The following ERBB4 variants were observed in gnomAD, a reference collection of about 807,000 sequenced individuals.
The protein encoded by ERBB4 is receptor tyrosine-protein kinase erbB-4.
Under a neutral mutation model 158.0 loss-of-function variants are expected in ERBB4, and 42 were observed. The ratio of observed to expected loss-of-function variants is 0.27; its 90% CI spans 0.21 to 0.34. The LOEUF is 0.34. ERBB4 is among the 10% of genes least tolerant of loss of function. ERBB4 has a pLI of 1.00. For missense variants in ERBB4, 1,333 were observed against 1,624.1 expected, an observed-to-expected ratio of 0.82 and a Z score of 3.08; for synonymous variants, 583 against 558.7, an observed-to-expected ratio of 1.04 and a Z score of -0.61.
chr2:211,836,569 G>T (rs940061220), intron 3 of ERBB4, among the ~76,000 whole-genome samples: 11 of 152,022 alleles, frequency 7.2e-5, no homozygotes, highest in African/African-American at 2.7e-4. Flanking sequence ...AGGAAAGCAG[G>T]TGTTCAGCAT....
At chr2:211,414,006 A>T (rs2063325876) in intron 25 of ERBB4, among the ~76,000 whole-genome samples, 1 of 151,762 alleles carries the variant, frequency 6.6e-6, no homozygotes, top group South Asian at 2.1e-4. Flanking sequence ...CTTCCAGTCC[A>T]CTGCGGGCAC....
chr2:211,450,698 T>A (rs1446698643), intron 20 of ERBB4, among the ~76,000 whole-genome samples: 1 of 152,202 alleles, frequency 6.6e-6, no homozygotes, highest in African/African-American at 2.4e-5. Flanking sequence ...GGTTTCAGTT[T>A]AAATATTATG....
At chr2:211,453,689 T>C (rs1031220570) in intron 20 of ERBB4, among the ~76,000 whole-genome samples, 17 of 152,212 alleles carry the variant, frequency 1.1e-4, no homozygotes, top group Admixed American at 3.9e-4. Context: ...TTCACAAGTC[T>C]GTAGCAGACA....
At chr2:211,642,589 G>T (rs747378360) in intron 16 of ERBB4, among the ~76,000 whole-genome samples, 11 of 151,986 alleles carry the variant, frequency 7.2e-5, no homozygotes, top group Admixed American at 5.9e-4. Context: ...TAAAATAAAA[G>T]AATTTCTATT....
At chr2:212,095,373 G>A (rs991586492) in intron 2 of ERBB4, among the ~76,000 whole-genome samples, 4 of 152,078 alleles carry the variant, frequency 2.6e-5, no homozygotes, top group Non-Finnish European at 4.4e-5. Flanking sequence ...CATAATAGAG[G>A]TGATAACTTT....
intron 1 of ERBB4, among the ~76,000 whole-genome samples, chr2:212,130,020 C>T (rs2080063905): frequency 6.6e-6 from 1 of 152,046 alleles, no homozygotes; most frequent in South Asian, 2.1e-4. Flanking sequence ...TAACTCACAA[C>T]TTTCATTTGT....
intron 1 of ERBB4, among the ~76,000 whole-genome samples, chr2:212,300,977 A>G (rs1326041976): frequency 6.6e-6 from 1 of 151,554 alleles, no homozygotes; most frequent in Non-Finnish European, 1.5e-5. Context: ...CTGGAAAGCA[A>G]AATATTTCTT....
intron 1 of ERBB4, among the ~76,000 whole-genome samples, chr2:212,293,674 C>T (rs2086289391): frequency 6.6e-6 from 1 of 151,668 alleles, no homozygotes; most frequent in Non-Finnish European, 1.5e-5. Flanking sequence ...ATGGTGAAAC[C>T]TTGTCTCTAC....
intron 1 of ERBB4, among the ~76,000 whole-genome samples, chr2:212,333,210 C>T (rs2088262578): frequency 6.6e-6 from 1 of 151,972 alleles, no homozygotes; most frequent in South Asian, 2.1e-4. Context: ...CTGGGAAAAA[C>T]TTCCTGGTTA....
intron 2 of ERBB4, among the ~76,000 whole-genome samples, chr2:212,101,450 G>T (rs922254989): frequency 6.6e-6 from 1 of 150,664 alleles, no homozygotes; most frequent in African/African-American, 2.4e-5. Context: ...GAGGTGGCAA[G>T]GGTCAAAGAT....
intron 19 of ERBB4, among the ~76,000 whole-genome samples, chr2:211,569,585 C>G (rs2067653122): frequency 6.6e-6 from 1 of 151,956 alleles, no homozygotes; most frequent in Non-Finnish European, 1.5e-5. Flanking sequence ...CGCAGAGCTA[C>G]TTTAGATAAG....
intron 2 of ERBB4, among the ~76,000 whole-genome samples, chr2:212,040,768 T>G (rs907713902): frequency 6.6e-6 from 1 of 152,146 alleles, no homozygotes; most frequent in African/African-American, 2.4e-5. Context: ...GCTCTAAGAC[T>G]GTGGTCTTTT....
At chr2:211,387,237 C>A (rs2062705802) in intron 26 of ERBB4, 87 bp from the exon 27 acceptor site, 2 of 1,101,484 alleles carry the variant, frequency 1.8e-6, no homozygotes, top group South Asian at 2.5e-5. Flanking sequence ...GATATCAAAG[C>A]CAGTCTTTCA....
intron 1 of ERBB4, among the ~76,000 whole-genome samples, chr2:212,431,328 A>C (rs2092024585): frequency 6.6e-6 from 1 of 151,394 alleles, no homozygotes; most frequent in South Asian, 2.1e-4. Context: ...AAAAAAAAAA[A>C]AACCTTCGTA....
chr2:211,936,565 TAAGG>T (rs2080328403), intron 3 of ERBB4, among the ~76,000 whole-genome samples: 2 of 152,200 alleles, frequency 1.3e-5, no homozygotes, highest in East Asian at 3.9e-4. Context: ...CATAAAATAT[TAAGG>T]AAGAGGGGAA....
At chr2:211,850,204 C>T (rs2106029466) in intron 3 of ERBB4, among the ~76,000 whole-genome samples, 2 of 151,828 alleles carry the variant, frequency 1.3e-5, no homozygotes, top group Middle Eastern at 3.4e-3. Flanking sequence ...AGTGAGAATT[C>T]CCCAAAATGC....
At chr2:211,836,541 A>G (rs187701175) in intron 3 of ERBB4, among the ~76,000 whole-genome samples, 1 of 152,038 alleles carries the variant, frequency 6.6e-6, no homozygotes, top group Non-Finnish European at 1.5e-5. Context: ...GTACATACCA[A>G]ACTTCCAGAG....
chr2:212,223,834 C>T (rs2083383742), intron 1 of ERBB4, among the ~76,000 whole-genome samples: 1 of 151,668 alleles, frequency 6.6e-6, no homozygotes, highest in South Asian at 2.1e-4. Context: ...ATTTTTCATT[C>T]TCTCATTGAA....
At chr2:212,240,582 G>A (rs1020686801) in intron 1 of ERBB4, among the ~76,000 whole-genome samples, 10 of 135,350 alleles carry the variant, frequency 7.4e-5, no homozygotes, top group East Asian at 6.5e-4. Flanking sequence ...GCAGTCAGCC[G>A]AGCCGAGATC....
Sources: gnomAD v4.1 joint callset for allele counts (sites outside exome capture counted in the v4.1 genomes callset) on GRCh38, gnomAD v4.1.1 for gene constraint, MANE v1.5 for transcripts, NCBI Gene and HGNC (gene_info 2026-07-23, HGNC 2026-07-21) for gene names.